The following TIGIT variants were observed in gnomAD, a reference collection of about 807,000 sequenced individuals.
TIGIT encodes T cell immunoreceptor with Ig and ITIM domains.
TIGIT carries 11 observed loss-of-function variants against 19.6 expected under a neutral mutation model. That is an observed-to-expected ratio of 0.56 (90% CI 0.35 to 0.93). The LOEUF (loss-of-function observed/expected upper bound fraction) is 0.93. TIGIT is among the 40% of genes least tolerant of loss of function. The pLI is 0.01. For synonymous variants in TIGIT, 130 were observed against 125.5 expected (o/e 1.04, Z -0.24); for missense variants, 295 against 303.9 (o/e 0.97, Z 0.22).
intron 3 of TIGIT, among the ~76,000 whole-genome samples, chr3:114,301,823 A>G (rs2078494375): frequency 6.6e-6 from 1 of 152,124 alleles, no homozygotes; most frequent in Non-Finnish European, 1.5e-5. Context: ...TGCTTTGGAT[A>G]TAGTTGTCAG....
intron 2 of TIGIT, among the ~76,000 whole-genome samples, chr3:114,296,891 T>A (rs1211678116): frequency 5.8e-4 from 3 of 5,204 alleles, no homozygotes; most frequent in African/African-American, 2.2e-3. Context: ...ATGTTACTTC[T>A]TTTTTTTTTT....
At chr3:114,303,360 A>G (rs1560033368) in intron 3 of TIGIT, among the ~76,000 whole-genome samples, 1 of 151,756 alleles carries the variant, frequency 6.6e-6, no homozygotes, top group Non-Finnish European at 1.5e-5. Context: ...CCCACTTCTG[A>G]GTGAGAACAT....
rs996626762 is a variant in TIGIT, at chr3:114,309,389, T to A, written c.*1258T>A. On this transcript the variant is annotated 3_prime_UTR_variant, in exon 4 of 4. Coordinates refer to ENST00000383671, the MANE Select transcript of TIGIT (RefSeq NM_173799.4). ...TCTCTCAGAGGAATGAGCGGGGAGG[T>A]TGGATTTACTGGTGACTGATTTTCT... 1 of 151,952 alleles carries A rather than the reference T, an allele frequency of 6.6e-6. No homozygotes were observed. Among genetic ancestry groups the A allele is most frequent in the Admixed American group, 6.6e-5 (1 of 15,264 alleles). 9.4% of individuals were successfully genotyped at this position (151,952 alleles called of 1,614,324 possible).
chr3:114,303,540 C>CACATATATATGTATATATAT (rs1560033504), intron 3 of TIGIT, among the ~76,000 whole-genome samples: 1 of 8,564 alleles, frequency 1.2e-4, no homozygotes, highest in African/African-American at 1.9e-4. Flanking sequence ...TATATATATA[C>CACATATATATGTATATATAT]ACATATATAT....
At chr3:114,299,265 C>A (rs1302888270) in intron 2 of TIGIT, among the ~76,000 whole-genome samples, 3 of 152,048 alleles carry the variant, frequency 2.0e-5, no homozygotes, top group African/African-American at 7.2e-5. Flanking sequence ...AGAAAATATT[C>A]ACTTTCTGAG....
At chr3:114,307,328 T>A (rs978078336) in intron 3 of TIGIT, among the ~76,000 whole-genome samples, 1 of 152,172 alleles carries the variant, frequency 6.6e-6, no homozygotes, top group African/African-American at 2.4e-5. Flanking sequence ...GATTTGGGCA[T>A]CTTCAGAGGA....
chr3:114,307,979 T>C lies in TIGIT; in HGVS notation c.583T>C (p.Ser195Pro). The C allele has an allele frequency of 6.2e-7, 1 of 1,614,096 alleles. No homozygotes were observed. Among genetic ancestry groups the C allele is most frequent in the Non-Finnish European group, 8.5e-7 (1 of 1,180,016 alleles). Reference sequence around the variant, plus strand: ...GGAGGAATGGAGCCCCAGTGCTCCCTCACCCCCAGGAAGCTGTGTCCAGGC... The same window carrying C: ...GGAGGAATGGAGCCCCAGTGCTCCCCCACCCCCAGGAAGCTGTGTCCAGGC... ...GQEEWSPSAP[S>P]PPGSCVQAEA... is the part of the protein sequence containing the mutation. The change falls in exon 4 of 4, where the codon TCA becomes CCA. Residue 195 changes from serine (S) to proline (P), a missense_variant. Ser to Pro is a moderately conservative substitution (Grantham distance 74). Transcript: ENST00000383671.
rs192684863 is a variant in TIGIT at position 114,296,435 on chromosome 3, T to G, written c.391+561T>G. ...TTATCTGAGAGACAGTATAGCACCA[T>G]GGTTAAAAGCTCAGACTCTGACACC... is the stretch of plus-strand genomic sequence containing the variant. On this transcript the variant is annotated intron_variant, in intron 2 of 3. Transcript: ENST00000383671. Among the ~76,000 whole-genome samples the G allele has an allele frequency of 2.0e-5, 3 of 152,350 alleles. 1 individual carries two copies. Among genetic ancestry groups the G allele is most frequent in the Admixed American group, 2.0e-4 (3 of 15,310 alleles).
chr3:114,302,479 A>C (rs935348083), intron 3 of TIGIT, among the ~76,000 whole-genome samples: 2 of 152,216 alleles, frequency 1.3e-5, no homozygotes, highest in Non-Finnish European at 2.9e-5. Context: ...TTGGCTGCCC[A>C]GCTGTATCTC....
rs2078559572 is a variant in TIGIT at position 114,309,715 on chromosome 3, G to C, written c.*1584G>C. The C allele has an allele frequency of 6.6e-6, 1 of 152,254 alleles. No homozygotes were observed. Among genetic ancestry groups the C allele is most frequent in the African/African-American group, 2.4e-5 (1 of 41,544 alleles). 9.4% of individuals were successfully genotyped at this position (152,254 alleles called of 1,614,324 possible). A position where few individuals can be genotyped will look rare whatever the true frequency, so the allele number is the denominator to read the frequency against. On this transcript the variant is annotated 3_prime_UTR_variant, in exon 4 of 4. Transcript: ENST00000383671. ...TGTGGCAGTTTACAGCATTTTTCTT[G>C]CAAAATTAGTGCAAATCTGTTGGAA...
chr3:114,300,309 G>A (rs537467822), intron 3 of TIGIT, among the ~76,000 whole-genome samples: 2 of 151,876 alleles, frequency 1.3e-5, no homozygotes, highest in Admixed American at 6.6e-5. Context: ...GACTCTAGGA[G>A]TTCAAGGCTG....
rs2078438567 is a variant in TIGIT at position 114,294,141 on chromosome 3, C to A, written c.61+19C>A. On this transcript the variant is annotated intron_variant, in intron 1 of 3. Transcript: ENST00000383671. ...GCCTCAGGTAAGGCCTGAAACCCAGCAGAGCAGCAGGGAGGAAAAACAAGG... is the reference window on the plus strand; with the variant it reads ...GCCTCAGGTAAGGCCTGAAACCCAGAAGAGCAGCAGGGAGGAAAAACAAGG... The A allele has an allele frequency of 1.3e-6, 2 of 1,538,092 alleles. No individual in the cohort carries two copies. The highest frequency in any genetic ancestry group is 1.8e-6 in the Non-Finnish European group (2 of 1,138,654).
At chr3:114,295,477 A>C in intron 1 of TIGIT, 68 bp from the exon 2 acceptor site, 1 of 1,380,508 alleles carries the variant, frequency 7.2e-7, no homozygotes. Flanking sequence ...GGCCCTTAGA[A>C]TTTTTCTAGG....
intron 2 of TIGIT, among the ~76,000 whole-genome samples, chr3:114,297,218 C>T (rs143582771): frequency 1.3e-5 from 2 of 152,246 alleles, no homozygotes; most frequent in East Asian, 3.9e-4. Flanking sequence ...AGTTGAGGCT[C>T]TGGAATTGCA....
At chr3:114,299,790 A>G in intron 3 of TIGIT, 87 bp downstream of exon 3, 1 of 823,888 alleles carries the variant, frequency 1.2e-6, no homozygotes, top group East Asian at 2.6e-5. Flanking sequence ...ACCCAGAGAG[A>G]GACCCAGATG....
At position 114,295,861 on chromosome 3, in the gene TIGIT, C is replaced by T; in HGVS notation, c.378C>T (p.Val126=). 6.3e-7 allele frequency: 1 copy of T among 1,599,650 alleles called. No homozygotes were observed. The stretch of plus-strand genomic sequence containing the variant: ...ACACTGGGAGAATCTTCCTGGAGGT[C>T]CTAGAAAGCTCAGGTATTCCTGCTG... ...GTYTGRIFLE[V]LESSVAEHGA... The change falls in exon 2 of 4, where the codon GTC becomes GTT. Residue 126 remains valine (V), a synonymous_variant. Coordinates refer to ENST00000383671, the MANE Select transcript of TIGIT (RefSeq NM_173799.4).
At chr3:114,305,780 AGATG>A (rs139399080) in intron 3 of TIGIT, among the ~76,000 whole-genome samples, 9,722 of 143,686 alleles carry the variant, frequency 0.068, 385 homozygotes, top group African/African-American at 0.096. Flanking sequence ...TAGGAGATAT[AGATG>A]GATGGATGGA....
intron 3 of TIGIT, among the ~76,000 whole-genome samples, chr3:114,304,960 C>G (rs749667985): frequency 4.0e-4 from 61 of 152,170 alleles, no homozygotes; most frequent in Non-Finnish European, 8.1e-4. Flanking sequence ...GTCCCTCTTA[C>G]AATTAGCTTA....
intron 3 of TIGIT, among the ~76,000 whole-genome samples, chr3:114,303,759 C>A (rs1321414887): frequency 4.6e-5 from 7 of 151,636 alleles, no homozygotes; most frequent in Non-Finnish European, 8.8e-5. Context: ...ATAATGACTT[C>A]TTTTCCTCTG....
Sources: allele counts gnomAD v4.1 joint callset (sites outside exome capture counted in the v4.1 genomes callset), GRCh38; gene constraint gnomAD v4.1.1; transcripts MANE v1.5; gene names NCBI Gene and HGNC (gene_info 2026-07-23, HGNC 2026-07-21).